SLC24A2: variants seen among roughly 807,000 people sequenced by gnomAD.
SLC24A2 encodes the protein solute carrier family 24 member 2.
In SLC24A2, 36 loss-of-function variants were observed where a neutral mutation model predicts 62.0. The observed-to-expected ratio is 0.58, with a 90% CI of 0.44 to 0.77. The LOEUF is 0.77. Ranked by LOEUF, SLC24A2 falls within the 30% of genes least tolerant of loss-of-function variation. The probability of loss-of-function intolerance (pLI) is 0.00; values close to 1 mark genes in which losing one functional copy is unlikely to be tolerated. For missense variants in SLC24A2, 846 were observed against 817.9 expected (o/e 1.03, Z -0.42); for synonymous variants, 358 against 294.0 (o/e 1.22, Z -2.23).
At chr9:20,277,262 G>T in the SLC24A2 span, among the ~76,000 whole-genome samples, 1 of 152,146 alleles carries the variant, frequency 6.6e-6, no homozygotes, top group African/African-American at 2.4e-5. Flanking sequence ...AAGAGCTTCT[G>T]CACAGCAAAA....
At chr9:20,243,198 G>C in the SLC24A2 span, among the ~76,000 whole-genome samples, 1 of 151,770 alleles carries the variant, frequency 6.6e-6, no homozygotes, top group African/African-American at 2.4e-5. Flanking sequence ...CTTTCTTTTT[G>C]CACAATTTTT....
intron 2 of SLC24A2, among the ~76,000 whole-genome samples, chr9:19,657,075 T>C (rs1283878955): frequency 1.3e-5 from 2 of 152,188 alleles, no homozygotes; most frequent in African/African-American, 4.8e-5. Flanking sequence ...AAGAATTGCC[T>C]CTCAACTCCA....
intron 2 of SLC24A2, among the ~76,000 whole-genome samples, chr9:19,771,631 A>T (rs1356213606): frequency 6.6e-6 from 1 of 152,184 alleles, no homozygotes; most frequent in Admixed American, 6.5e-5. Flanking sequence ...CAAGCTAGAA[A>T]CGAGAGCGAG....
chr9:19,555,458 T>C (rs1353811950), intron 7 of SLC24A2, among the ~76,000 whole-genome samples: 1 of 152,222 alleles, frequency 6.6e-6, no homozygotes. Flanking sequence ...GTGCTCACCA[T>C]GTTGCGGTCT....
chr9:20,218,160 G>C, the SLC24A2 span, among the ~76,000 whole-genome samples: 3 of 152,310 alleles, frequency 2.0e-5, no homozygotes, highest in East Asian at 5.8e-4. Context: ...TCTGAACTAG[G>C]AAGGCACTGC....
At chr9:19,801,484 A>G in the SLC24A2 span, among the ~76,000 whole-genome samples, 2 of 152,212 alleles carry the variant, frequency 1.3e-5, no homozygotes, top group Non-Finnish European at 2.9e-5. Context: ...AACACGGACC[A>G]GAAGAGTGTA....
the SLC24A2 span, among the ~76,000 whole-genome samples, chr9:19,880,449 T>G: frequency 6.6e-6 from 1 of 152,194 alleles, no homozygotes; most frequent in Non-Finnish European, 1.5e-5. Context: ...CTCTGACCCT[T>G]GGGCCAATAT....
intron 2 of SLC24A2, among the ~76,000 whole-genome samples, chr9:19,654,065 C>T (rs1309002722): frequency 6.6e-6 from 1 of 152,166 alleles, no homozygotes; most frequent in African/African-American, 2.4e-5. Context: ...AAAGAAGTTT[C>T]TCCATGGCCC....
At chr9:20,054,345 C>T in the SLC24A2 span, among the ~76,000 whole-genome samples, 4 of 152,072 alleles carry the variant, frequency 2.6e-5, no homozygotes, top group African/African-American at 9.7e-5. Context: ...GCACCCGCCA[C>T]CACACCTAGC....
rs908190914 is a variant in SLC24A2, at chr9:19,549,665, C to T, written c.1479+472G>A. On this transcript the variant is annotated intron_variant, in intron 8 of 10. Transcript: ENST00000341998. ...CCTTTGAATCATTTCTGCCCAGGTGCCAGAAATGGCAAAGAAGCCTCCAGA... is the reference window on the plus strand; with the variant it reads ...CCTTTGAATCATTTCTGCCCAGGTGTCAGAAATGGCAAAGAAGCCTCCAGA... Among the ~76,000 whole-genome samples the T allele has an allele frequency of 4.6e-5, 7 of 152,162 alleles. No homozygotes were observed. The East Asian group carries it at 1.2e-3, about 25-fold the overall frequency.
the SLC24A2 span, among the ~76,000 whole-genome samples, chr9:20,197,068 T>C: frequency 6.6e-6 from 1 of 152,350 alleles, no homozygotes; most frequent in African/African-American, 2.4e-5. Context: ...AGGTTGTCTC[T>C]GTTTTATGTG....
the SLC24A2 span, among the ~76,000 whole-genome samples, chr9:19,901,781 T>C: frequency 6.6e-6 from 1 of 152,020 alleles, no homozygotes; most frequent in Non-Finnish European, 1.5e-5. Flanking sequence ...GTGTTCTTCT[T>C]AACAGGAGAA....
At chr9:20,240,488 G>A in the SLC24A2 span, among the ~76,000 whole-genome samples, 121 of 152,306 alleles carry the variant, frequency 7.9e-4, no homozygotes, top group East Asian at 0.02. Context: ...GACTCAGGGT[G>A]TTTCCCTTGT....
chr9:19,969,893 C>T, the SLC24A2 span, among the ~76,000 whole-genome samples: 1 of 152,054 alleles, frequency 6.6e-6, no homozygotes, highest in East Asian at 1.9e-4. Context: ...ATGAGCTATA[C>T]TAGGGATTGC....
intron 8 of SLC24A2, among the ~76,000 whole-genome samples, chr9:19,544,285 T>C (rs1043709687): frequency 1.4e-5 from 2 of 145,234 alleles, no homozygotes; most frequent in African/African-American, 5.0e-5. Context: ...ATTTGCTTGG[T>C]AAATCTTCCT....
chr9:19,934,535 G>A, the SLC24A2 span, among the ~76,000 whole-genome samples: 1 of 152,150 alleles, frequency 6.6e-6, no homozygotes, highest in Non-Finnish European at 1.5e-5. The surrounding 1 kb of genome is among the most constrained non-coding windows in gnomAD (Gnocchi z 4.1). Context: ...CGTGCACCGT[G>A]CGCGCCCATG....
At chr9:20,155,911 T>G in the SLC24A2 span, among the ~76,000 whole-genome samples, 1 of 151,848 alleles carries the variant, frequency 6.6e-6, no homozygotes, top group Non-Finnish European at 1.5e-5. Flanking sequence ...TTTGTTTGGC[T>G]TTTCAATAAA....
chr9:19,643,188 A>G (rs1296706013), intron 2 of SLC24A2, among the ~76,000 whole-genome samples: 2 of 152,114 alleles, frequency 1.3e-5, no homozygotes, highest in Non-Finnish European at 2.9e-5. Flanking sequence ...TACCCATTTA[A>G]AAATTATAAA....
the SLC24A2 span, among the ~76,000 whole-genome samples, chr9:19,838,118 C>T: frequency 3.9e-5 from 6 of 152,190 alleles, no homozygotes; most frequent in Admixed American, 6.5e-5. Flanking sequence ...CAAGTCAATC[C>T]GAAGCCTAAA....
Sources: allele counts gnomAD v4.1 joint callset (sites outside exome capture counted in the v4.1 genomes callset), GRCh38; gene constraint gnomAD v4.1.1; non-coding constraint Gnocchi (gnomAD v3.1); transcripts MANE v1.5; gene names NCBI Gene and HGNC (gene_info 2026-07-23, HGNC 2026-07-21).